The following TBL1XR1 variants were observed in gnomAD, a reference collection of about 807,000 sequenced individuals.
TBL1XR1 encodes the protein TBL1X/Y related 1.
A neutral mutation model predicts 66.9 loss-of-function variants in TBL1XR1; 5 were observed. The ratio of observed to expected loss-of-function variants is 0.07; its 90% CI spans 0.04 to 0.16. The LOEUF (loss-of-function observed/expected upper bound fraction) is 0.16. TBL1XR1 is among the 10% of genes least tolerant of loss of function. The probability of loss-of-function intolerance (pLI) is 1.00; values close to 1 mark genes in which losing one functional copy is unlikely to be tolerated. For missense variants in TBL1XR1, 238 were observed against 623.2 expected, an observed-to-expected ratio of 0.38 and a Z score of 6.58; for synonymous variants, 210 against 206.0, an observed-to-expected ratio of 1.02 and a Z score of -0.17.
intron 3 of TBL1XR1, among the ~76,000 whole-genome samples, chr3:177,055,714 T>A (rs2108509940): frequency 6.6e-6 from 1 of 152,122 alleles, no homozygotes; most frequent in South Asian, 2.1e-4. Flanking sequence ...AGCAGTAAAA[T>A]CCTTAAGCAG....
At chr3:177,198,753 A>T (rs1005799227), upstream of TBL1XR1, among the ~76,000 whole-genome samples, 1 of 152,132 alleles carries the variant, frequency 6.6e-6, no homozygotes, top group African/African-American at 2.4e-5. Flanking sequence ...CAGCTTTCTT[A>T]AAGGTGAAGG....
chr3:177,065,231 A>T (rs1719003652), intron 2 of TBL1XR1, among the ~76,000 whole-genome samples: 2 of 152,216 alleles, frequency 1.3e-5, no homozygotes, highest in Admixed American at 6.5e-5. Flanking sequence ...CTTCAAAGTA[A>T]CATACTGGCA....
chr3:177,109,770 G>A (rs1347554878), intron 1 of TBL1XR1, among the ~76,000 whole-genome samples: 1 of 152,030 alleles, frequency 6.6e-6, no homozygotes, highest in African/African-American at 2.4e-5. Context: ...TTCAGAAGTT[G>A]GGGGGAAGAG....
At chr3:177,117,752 C>G (rs1490025583) in intron 1 of TBL1XR1, among the ~76,000 whole-genome samples, 1 of 152,150 alleles carries the variant, frequency 6.6e-6, no homozygotes, top group African/African-American at 2.4e-5. Context: ...TTACTTAGAG[C>G]TTTAATAAAC....
chr3:177,165,800 T>C lies in TBL1XR1; in HGVS notation c.-122+31321A>G, dbSNP rs1732751135. Among the ~76,000 whole-genome samples the C allele has an allele frequency of 8.5e-5, 13 of 152,090 alleles. No individual in the cohort carries two copies. In the South Asian group the frequency reaches 2.7e-3, roughly 32 times the overall value. The stretch of plus-strand genomic sequence containing the variant: ...CCTCACACTCTTCACAAAAACTAAC[T>C]CAAAATAGATCACAGAGCCAGGTTC... On this transcript the variant is annotated intron_variant, in intron 1 of 15. Transcript: ENST00000457928.
chr3:177,147,047 C>CTT (rs559312015), intron 1 of TBL1XR1, among the ~76,000 whole-genome samples: 1 of 140,942 alleles, frequency 7.1e-6, no homozygotes, highest in Admixed American at 7.2e-5. Context: ...ATTCCTAAGA[C>CTT]TTTTTTTTTT....
chr3:177,046,227 A>C lies in TBL1XR1; in HGVS notation c.865-38T>G, dbSNP rs757108130. 4 of 1,479,132 alleles carry C rather than the reference A, an allele frequency of 2.7e-6. No individual in the cohort carries two copies. In the South Asian group the frequency reaches 5.2e-5, roughly 19 times the overall value. The allele number at this position is 1,479,132 out of a possible 1,614,324, so 91.6% of individuals were successfully genotyped here. ...GGAAAAGAAAAATAAACTCATGGAA[A>C]GAAGTTTAACATACATGTGTAAAGT... On this transcript the variant is annotated intron_variant, in intron 9 of 15. Transcript: ENST00000457928.
chr3:177,083,194 T>C (rs1427523418), intron 2 of TBL1XR1, among the ~76,000 whole-genome samples: 1 of 152,152 alleles, frequency 6.6e-6, no homozygotes, highest in African/African-American at 2.4e-5. Flanking sequence ...TCTTAATAAT[T>C]TCCTCCCATA....
intron 1 of TBL1XR1, chr3:177,126,034 T>C (rs1315699740): frequency 6.6e-6 from 1 of 152,238 alleles, no homozygotes; most frequent in East Asian, 1.9e-4. Context: ...TGAAACACTT[T>C]GTAAAACTGT....
intron 1 of TBL1XR1, chr3:177,131,453 A>G (rs909086870): frequency 4.4e-6 from 4 of 913,870 alleles, no homozygotes; most frequent in African/African-American, 3.6e-5. Flanking sequence ...CCCACACCTA[A>G]AAGTTGAGAA....
At chr3:177,116,137 C>T (rs1726279599) in intron 1 of TBL1XR1, among the ~76,000 whole-genome samples, 1 of 152,184 alleles carries the variant, frequency 6.6e-6, no homozygotes, top group African/African-American at 2.4e-5. Context: ...ACCTTCCTGT[C>T]TCACAATTTG....
At chr3:177,137,155 T>A (rs148662476) in intron 1 of TBL1XR1, among the ~76,000 whole-genome samples, 61 of 152,338 alleles carry the variant, frequency 4.0e-4, no homozygotes, top group African/African-American at 1.4e-3. Flanking sequence ...ACTGATTAAT[T>A]CTTCTAAGGC....
chr3:177,065,628 C>T (rs1284266073), intron 2 of TBL1XR1, among the ~76,000 whole-genome samples: 6 of 152,094 alleles, frequency 3.9e-5, no homozygotes, highest in Non-Finnish European at 8.8e-5. Context: ...AACCTTAACA[C>T]GAAGTGGGGG....
At chr3:177,183,179 A>C (rs563211713) in intron 1 of TBL1XR1, among the ~76,000 whole-genome samples, 3 of 152,288 alleles carry the variant, frequency 2.0e-5, no homozygotes, top group Admixed American at 2.0e-4. Context: ...CTGACTCTAA[A>C]TCCATAAAAG....
At chr3:177,152,041 T>C (rs1730953498) in intron 1 of TBL1XR1, among the ~76,000 whole-genome samples, 1 of 152,126 alleles carries the variant, frequency 6.6e-6, no homozygotes, top group East Asian at 1.9e-4. Flanking sequence ...TCCTAAATAC[T>C]ACTACTGAAT....
intron 1 of TBL1XR1, among the ~76,000 whole-genome samples, chr3:177,116,183 G>C (rs1463951255): frequency 6.6e-6 from 1 of 152,076 alleles, no homozygotes; most frequent in African/African-American, 2.4e-5. Context: ...AAACCAACTA[G>C]ACATCATCAT....
At chr3:177,043,125 C>T (rs1408377062) in intron 10 of TBL1XR1, among the ~76,000 whole-genome samples, 4 of 152,088 alleles carry the variant, frequency 2.6e-5, no homozygotes, top group Admixed American at 6.6e-5. Flanking sequence ...CTTTCTAATA[C>T]TGATTTCTAA....
At position 177,169,042 on chromosome 3, in the gene TBL1XR1, T is replaced by C. The variant is rs533683715; in HGVS notation, c.-122+28079A>G. The stretch of plus-strand genomic sequence containing the variant: ...CTTGAATCCCTAAAGCTTGACCACA[T>C]ATTTACAAAAATGAAAACTCCACAT... On this transcript the variant is annotated intron_variant, in intron 1 of 15. Coordinates refer to ENST00000457928, the MANE Select transcript of TBL1XR1 (RefSeq NM_024665.7). Among the ~76,000 whole-genome samples, 4 of 152,282 alleles carry C rather than the reference T, an allele frequency of 2.6e-5. No homozygotes were observed. In the East Asian group the frequency reaches 7.7e-4, roughly 29 times the overall value.
chr3:177,172,110 A>C (rs1273611555), intron 1 of TBL1XR1, among the ~76,000 whole-genome samples: 1 of 151,966 alleles, frequency 6.6e-6, no homozygotes, highest in Non-Finnish European at 1.5e-5. Flanking sequence ...AAATACAAAA[A>C]ATTAGCTGGG....
Sources: gnomAD v4.1 joint callset for allele counts (sites outside exome capture counted in the v4.1 genomes callset) on GRCh38, gnomAD v4.1.1 for gene constraint, MANE v1.5 for transcripts, NCBI Gene and HGNC (gene_info 2026-07-23, HGNC 2026-07-21) for gene names.